STK31: variants seen among roughly 807,000 people sequenced by gnomAD.
The protein encoded by STK31 is serine/threonine-protein kinase 31.
A neutral mutation model predicts 129.7 loss-of-function variants in STK31; 89 were observed. The ratio of observed to expected loss-of-function variants is 0.69; its 90% CI spans 0.58 to 0.82. STK31 has a LOEUF of 0.82. STK31 is among the 40% of genes least tolerant of loss of function. The pLI is 0.00. For missense variants in STK31, 1,187 were observed against 1,176.4 expected, an observed-to-expected ratio of 1.01 and a Z score of -0.13; for synonymous variants, 448 against 395.3, an observed-to-expected ratio of 1.13 and a Z score of -1.58.
intron 23 of STK31, among the ~76,000 whole-genome samples, chr7:23,819,209 G>A (rs1245472136): frequency 6.6e-6 from 1 of 152,028 alleles, no homozygotes; most frequent in African/African-American, 2.4e-5. Context: ...TGCACCTAGG[G>A]AAGGTAACTA....
intron 6 of STK31, 81 bp downstream of exon 6, chr7:23,729,330 T>C (rs1787261013): frequency 7.9e-7 from 1 of 1,268,426 alleles, no homozygotes; most frequent in African/African-American, 1.5e-5. Flanking sequence ...AGTTAAATCT[T>C]ACTTTAATAT....
At chr7:23,830,491 C>A (rs1222189279) in intron 23 of STK31, among the ~76,000 whole-genome samples, 2 of 152,080 alleles carry the variant, frequency 1.3e-5, no homozygotes, top group East Asian at 3.9e-4. Flanking sequence ...TCTTTAACTT[C>A]TTCCTTGAAC....
At chr7:23,826,715 A>G (rs1794175332) in intron 23 of STK31, among the ~76,000 whole-genome samples, 1 of 152,098 alleles carries the variant, frequency 6.6e-6, no homozygotes, top group Admixed American at 6.6e-5. Flanking sequence ...ACAATTTGGC[A>G]TGTTTTTGCA....
chr7:23,821,444 T>C (rs772526022), intron 23 of STK31, among the ~76,000 whole-genome samples: 1 of 152,236 alleles, frequency 6.6e-6, no homozygotes, highest in South Asian at 2.1e-4. Flanking sequence ...CATATACTTA[T>C]TGGTCATTTG....
intron 5 of STK31, 46 bp from the exon 6 acceptor site, chr7:23,729,045 A>G: frequency 1.2e-5 from 18 of 1,492,712 alleles, no homozygotes; most frequent in Non-Finnish European, 1.6e-5. Flanking sequence ...CTTTGGAAAC[A>G]TTTAATCTGG....
intron 22 of STK31, among the ~76,000 whole-genome samples, chr7:23,807,137 T>C (rs1792763560): frequency 6.6e-6 from 1 of 152,132 alleles, no homozygotes. Flanking sequence ...TTTACCCATA[T>C]TTTTATTCTT....
chr7:23,790,989 T>TA, intron 22 of STK31, 43 bp downstream of exon 22: 1 of 1,327,392 alleles, frequency 7.5e-7, no homozygotes, highest in Non-Finnish European at 9.9e-7. Flanking sequence ...ATATATATAT[T>TA]TCAGTATATA....
intron 8 of STK31, among the ~76,000 whole-genome samples, chr7:23,744,787 G>T (rs1788250453): frequency 6.6e-6 from 1 of 152,196 alleles, no homozygotes; most frequent in Non-Finnish European, 1.5e-5. Context: ...AGTTTTGCTG[G>T]GTAAAGGAAT....
intron 8 of STK31, among the ~76,000 whole-genome samples, chr7:23,737,528 C>T (rs1225762364): frequency 5.9e-5 from 9 of 152,200 alleles, no homozygotes; most frequent in South Asian, 2.1e-4. Context: ...CTTTAAAAAA[C>T]CGTAATAATA....
In STK31 at chr7:23,735,876, C is replaced by A. The variant is rs1252346435; in HGVS notation, c.822C>A (p.Gly274=). Reference sequence around the variant, plus strand: ...ACTTGAAGGATGAAAATGATGCAGGCAATCTTATAACATTTCCAAAGTAAG... The same window carrying A: ...ACTTGAAGGATGAAAATGATGCAGGAAATCTTATAACATTTCCAAAGTAAG... The part of the protein sequence containing the change: ...TLDLKDENDA[G]NLITFPKESL... Residue 274 remains glycine, a synonymous_variant, in exon 7 of 24, where the codon GGC becomes GGA. Transcript: ENST00000355870. 8.8e-6 allele frequency: 14 copies of A among 1,586,764 alleles called. No individual in the cohort carries two copies. The highest frequency in any genetic ancestry group is 1.2e-5 in the Non-Finnish European group (14 of 1,166,376).
chr7:23,794,760 T>A (rs996357328), intron 22 of STK31, among the ~76,000 whole-genome samples: 31 of 152,188 alleles, frequency 2.0e-4, no homozygotes, highest in African/African-American at 7.5e-4. Flanking sequence ...AGCAAAGAGA[T>A]TGGTGGCATT....
intron 21 of STK31, 124 bp from the exon 22 acceptor site, chr7:23,790,700 T>C: frequency 9.9e-7 from 1 of 1,005,276 alleles, no homozygotes; most frequent in Non-Finnish European, 1.4e-6. Flanking sequence ...TAAAAATATT[T>C]GAAAGCAAGG....
At chr7:23,730,151 A>G (rs1787318099) in intron 6 of STK31, among the ~76,000 whole-genome samples, 1 of 152,226 alleles carries the variant, frequency 6.6e-6, no homozygotes, top group Non-Finnish European at 1.5e-5. Context: ...TTATACAAAG[A>G]TGATTCTTTT....
At chr7:23,758,011 T>C (rs1369217484) in intron 10 of STK31, among the ~76,000 whole-genome samples, 1 of 152,126 alleles carries the variant, frequency 6.6e-6, no homozygotes, top group Non-Finnish European at 1.5e-5. Context: ...AAACCTTGAG[T>C]CGACACAGCA....
In STK31 at chr7:23,735,598, A is replaced by T; in HGVS notation, c.544A>T (p.Thr182Ser). 1 of 1,612,098 alleles carries T rather than the reference A, an allele frequency of 6.2e-7. No individual in the cohort carries two copies. The highest frequency in any genetic ancestry group is 8.5e-7 in the Non-Finnish European group (1 of 1,179,238). ...EKEIKMRIKA[T>S]SEDGTVIAQA... ...GGAAATAAAAATGAGAATTAAAGCA[A>T]CCTCTGAAGATGGAACAGTTATTGC... Residue 182 changes from threonine (T) to serine (S), a missense_variant, in exon 7 of 24, where the codon ACC (threonine) becomes TCC (serine). Thr to Ser is a moderately conservative substitution (Grantham distance 58, BLOSUM62 1). Coordinates refer to ENST00000355870, the MANE Select transcript of STK31 (RefSeq NM_031414.5).
chr7:23,765,358 C>T (rs1789752200), intron 11 of STK31, among the ~76,000 whole-genome samples: 2 of 152,026 alleles, frequency 1.3e-5, no homozygotes. Flanking sequence ...TGGCTTCTCC[C>T]TTTATTTTTA....
At chr7:23,803,761 G>A (rs1243222994) in intron 22 of STK31, among the ~76,000 whole-genome samples, 1 of 152,044 alleles carries the variant, frequency 6.6e-6, no homozygotes, top group African/African-American at 2.4e-5. Context: ...AGTAGGCCCC[G>A]TGTCTGTTGT....
At chr7:23,775,043 C>T (rs775112309) in intron 15 of STK31, among the ~76,000 whole-genome samples, 4 of 152,152 alleles carry the variant, frequency 2.6e-5, no homozygotes, top group Non-Finnish European at 4.4e-5. Context: ...AATCCTTTCC[C>T]CATTGCTTTC....
At chr7:23,771,895 T>G in intron 14 of STK31, 1 of 235,806 alleles carries the variant, frequency 4.2e-6, no homozygotes, top group Admixed American at 5.6e-5. Flanking sequence ...TGTGTTTTAT[T>G]GTATGTCTCA....
Sources: gnomAD v4.1 joint callset for allele counts (sites outside exome capture counted in the v4.1 genomes callset) on GRCh38, gnomAD v4.1.1 for gene constraint, MANE v1.5 for transcripts, NCBI Gene and HGNC (gene_info 2026-07-23, HGNC 2026-07-21) for gene names.